Variants in CFAP54 observed in about 807,000 individuals in gnomAD.
CFAP54 encodes the protein cilia- and flagella-associated protein 54.
CFAP54 carries 290 observed loss-of-function variants against 370.4 expected under a neutral mutation model. That is an observed-to-expected ratio of 0.78 (90% confidence interval 0.71 to 0.86). CFAP54 has a LOEUF of 0.86. Ranked by LOEUF, CFAP54 falls within the 40% of genes least tolerant of loss-of-function variation. The pLI, the probability that CFAP54 is intolerant of heterozygous loss-of-function variation, is 0.00. For synonymous variants in CFAP54, 1,206 were observed against 1,236.5 expected (o/e 0.98, Z 0.52); for missense variants, 3,399 against 3,528.7 (o/e 0.96, Z 0.93).
Position 96,489,660 on chromosome 12 carries a change from C to A in CFAP54, c.51C>A (p.Thr17=), listed in dbSNP as rs1309728948. Residue 17 remains threonine, a synonymous_variant, in exon 1 of 68, where the codon ACC becomes ACA. Transcript: ENST00000524981. ...PSSSPSDDST[T]SGSLPELPPT... is the part of the protein sequence containing the mutation. ...GCTCTCCGTCAGACGACTCTACCAC[C>A]TCGGGGTCTCTGCCAGAACTGCCGC... 26 of 1,535,190 alleles carry A rather than the reference C, an allele frequency of 1.7e-5. No individual in the cohort carries two copies. The highest frequency in any genetic ancestry group is 2.6e-6 in the Non-Finnish European group (3 of 1,146,250).
Position 96,825,463 on chromosome 12 carries a change from ATATAT to A in CFAP54, c.9097-3545_9097-3541del, listed in dbSNP as rs1321111658. 3.5e-4 allele frequency among the ~76,000 whole-genome samples: 40 copies of A among 115,240 alleles called. 1 individual carries two copies. The highest frequency in any genetic ancestry group is 1.7e-3 in the East Asian group (7 of 4,146). The allele number at this position is 115,240 out of a possible 152,430, so 75.6% of individuals were successfully genotyped here. Reference sequence around the variant, plus strand: ...TATATGTTATATTATATATAATATAATATATTATATATATTATATAACATATATAA... The same window carrying A: ...TATATGTTATATTATATATAATATAATATATATATTATATAACATATATAA... On this transcript the variant is annotated intron_variant, in intron 65 of 67. Coordinates refer to ENST00000524981, the MANE Select transcript of CFAP54 (RefSeq NM_001306084.2).
intron 62 of CFAP54, among the ~76,000 whole-genome samples, chr12:96,789,168 C>T (rs546070766): frequency 2.6e-5 from 4 of 152,130 alleles, no homozygotes; most frequent in African/African-American, 7.2e-5. Flanking sequence ...AAATCTGTTG[C>T]GTGAGGAGCA....
At chr12:96,609,156 A>T (rs1383928199) in intron 26 of CFAP54, among the ~76,000 whole-genome samples, 1 of 152,170 alleles carries the variant, frequency 6.6e-6, no homozygotes. Context: ...CCAAAATATT[A>T]ATCAGAACAG....
At position 96,875,235 on chromosome 12, in the gene CFAP54, C is replaced by G. The variant is rs1166517639; in HGVS notation, c.*132C>G. ...GAAGTAGTCATGATTCAATGTCTTG[C>G]TTGCACAGAAGCCTCTAGTTCAAAC... is the stretch of plus-strand genomic sequence containing the variant. On this transcript the variant is annotated 3_prime_UTR_variant, in exon 68 of 68. Coordinates refer to ENST00000524981, the MANE Select transcript of CFAP54 (RefSeq NM_001306084.2). 1 of 152,186 alleles carries G rather than the reference C, an allele frequency of 6.6e-6. No individual in the cohort carries two copies. The highest frequency in any genetic ancestry group is 2.4e-5 in the African/African-American group (1 of 41,436). 9.4% of individuals were successfully genotyped at this position (152,186 alleles called of 1,614,324 possible). A position where few individuals can be genotyped will look rare whatever the true frequency, so the allele number is the denominator to read the frequency against.
chr12:96,851,747 T>C (rs1221329321), intron 66 of CFAP54, among the ~76,000 whole-genome samples: 1 of 152,066 alleles, frequency 6.6e-6, no homozygotes, highest in African/African-American at 2.4e-5. Context: ...GATGTAGTTT[T>C]AATAACAGAC....
intron 66 of CFAP54, 134 bp downstream of exon 66, chr12:96,829,222 ATGAG>A (rs1303164131): frequency 6.2e-6 from 3 of 486,456 alleles, no homozygotes; most frequent in Non-Finnish European, 1.1e-5. Flanking sequence ...AGTGATAAAC[ATGAG>A]TTTACAATAA....
rs181486092 is a variant in CFAP54, at chr12:96,735,141, A to G, written c.6966-4815A>G. Among the ~76,000 whole-genome samples, 35 of 152,366 alleles carry G rather than the reference A, an allele frequency of 2.3e-4. 1 individual carries two copies. The highest frequency in any genetic ancestry group is 2.1e-3 in the Admixed American group (32 of 15,312). On this transcript the variant is annotated intron_variant, in intron 50 of 67. Transcript: ENST00000524981. ...AATATTCCCTGATAGGTTCTCCACC[A>G]ACTTCCCATTGAAAGACATGCTCCC...
intron 56 of CFAP54, among the ~76,000 whole-genome samples, chr12:96,755,973 G>C (rs893598275): frequency 6.6e-6 from 1 of 151,988 alleles, no homozygotes; most frequent in African/African-American, 2.4e-5. Flanking sequence ...GCCATATCAC[G>C]TTTTCTTTAT....
At chr12:96,722,125 C>T (rs1464726535) in intron 50 of CFAP54, among the ~76,000 whole-genome samples, 1 of 152,210 alleles carries the variant, frequency 6.6e-6, no homozygotes, top group African/African-American at 2.4e-5. Flanking sequence ...ACTCTTACCT[C>T]AGTGCCACCC....
chr12:96,773,786 C>T (rs1464840128), intron 60 of CFAP54, among the ~76,000 whole-genome samples: 3 of 152,044 alleles, frequency 2.0e-5, no homozygotes, highest in Non-Finnish European at 4.4e-5. Context: ...GTTGTTTCTA[C>T]TCTTTTGCTA....
At chr12:96,716,173 T>G (rs1036938930) in intron 48 of CFAP54, among the ~76,000 whole-genome samples, 1 of 152,272 alleles carries the variant, frequency 6.6e-6, no homozygotes. Context: ...TGGTTTAGAA[T>G]TAAATATGTA....
intron 50 of CFAP54, among the ~76,000 whole-genome samples, chr12:96,733,890 A>C (rs1250073874): frequency 6.6e-6 from 1 of 152,198 alleles, no homozygotes; most frequent in African/African-American, 2.4e-5. Context: ...GAAGAATGGA[A>C]TGGGTACCAC....
At chr12:96,593,885 C>T (rs140381078) in intron 24 of CFAP54, among the ~76,000 whole-genome samples, 13 of 151,898 alleles carry the variant, frequency 8.6e-5, no homozygotes, top group East Asian at 3.9e-4. Context: ...GAAAATTTAC[C>T]GTTTTCTTTC....
chr12:96,727,129 G>C (rs920704450), intron 50 of CFAP54, among the ~76,000 whole-genome samples: 4 of 151,842 alleles, frequency 2.6e-5, no homozygotes, highest in Non-Finnish European at 5.9e-5. Flanking sequence ...GTGTGGTGTG[G>C]TGCTGAAAAA....
chr12:96,676,095 G>A (rs7959665), intron 39 of CFAP54, among the ~76,000 whole-genome samples: 149,928 of 152,050 alleles, frequency 0.99, 73,919 homozygotes, highest in East Asian at 1. Context: ...AATAAAAAAA[G>A]ATACATGACC....
chr12:96,803,256 G>A (rs1050673055), intron 63 of CFAP54, among the ~76,000 whole-genome samples: 3 of 152,170 alleles, frequency 2.0e-5, no homozygotes, highest in Non-Finnish European at 4.4e-5. Context: ...TTGCCACACT[G>A]TCTTCCACAA....
Position 96,500,871 on chromosome 12 carries a change from C to A in CFAP54, c.355C>A (p.Pro119Thr). Residue 119 changes from proline to threonine, a missense_variant, in exon 2 of 68, where the codon CCC becomes ACC. This residue lies in a region of CFAP54 where 559 missense variants were observed against 576.7 expected (regional missense o/e 0.97). Transcript: ENST00000524981. ...GTTTAATATCTGGACTAAATACGCC[C>A]CCAGGCTGCCAGCAGACTATTACAA... ...SLFNIWTKYAPRLPADYYNEK... is the reference protein window; with the variant it reads ...SLFNIWTKYATRLPADYYNEK... 1.3e-6 allele frequency: 2 copies of A among 1,535,578 alleles called. No individual in the cohort carries two copies. The highest frequency in any genetic ancestry group is 8.7e-7 in the Non-Finnish European group (1 of 1,146,640).
Position 96,708,861 on chromosome 12 carries a change from C to T in CFAP54, c.6724+58C>T. On this transcript the variant is annotated intron_variant, in intron 48 of 67. Transcript: ENST00000524981. ...CTCCTCCCTTTCCCTAACTGTTCTC[C>T]CAGCCCCCACTAATCTATATAAATG... 5 of 1,312,448 alleles carry T rather than the reference C, an allele frequency of 3.8e-6. No individual in the cohort carries two copies. The South Asian group carries it at 5.6e-5, about 15-fold the overall frequency. 81.3% of individuals were successfully genotyped at this position (1,312,448 alleles called of 1,614,324 possible). A position where few individuals can be genotyped will look rare whatever the true frequency, so the allele number is the denominator to read the frequency against.
chr12:96,779,123 AAAC>A (rs1391242241), intron 60 of CFAP54, among the ~76,000 whole-genome samples: 1 of 150,288 alleles, frequency 6.7e-6, no homozygotes, highest in African/African-American at 2.5e-5. Flanking sequence ...AAAAAAAAAA[AAAC>A]CCACAAATTA....
Sources: allele counts gnomAD v4.1 joint callset (sites outside exome capture counted in the v4.1 genomes callset), GRCh38; gene constraint gnomAD v4.1.1; regional missense constraint gnomAD v4.1.1; transcripts MANE v1.5; gene names NCBI Gene and HGNC (gene_info 2026-07-23, HGNC 2026-07-21).